ATP2A3: variants seen among roughly 807,000 people sequenced by gnomAD.
ATP2A3 encodes sarcoplasmic/endoplasmic reticulum calcium ATPase 3.
A neutral mutation model predicts 106.8 loss-of-function variants in ATP2A3; 61 were observed. The ratio of observed to expected loss-of-function variants is 0.57; its 90% CI spans 0.46 to 0.71. The LOEUF (loss-of-function observed/expected upper bound fraction) is 0.71. Among genes scored for constraint, ATP2A3 ranks in the 30% least tolerant of loss-of-function variants. ATP2A3 has a pLI of 0.00. For missense variants in ATP2A3, 1,201 were observed against 1,423.5 expected, an observed-to-expected ratio of 0.84 and a Z score of 2.52; for synonymous variants, 611 against 609.3, an observed-to-expected ratio of 1.00 and a Z score of -0.04.
At chr17:3,961,130 C>T (rs2055114119) in intron 1 of ATP2A3, among the ~76,000 whole-genome samples, 1 of 152,164 alleles carries the variant, frequency 6.6e-6, no homozygotes, top group Non-Finnish European at 1.5e-5. Flanking sequence ...GATCACAGCT[C>T]CAGATGTGTA....
At position 3,928,150 on chromosome 17, in the gene ATP2A3, C is replaced by T. The variant is rs891775239; in HGVS notation, c.2980+513G>A. 5 of 1,601,048 alleles carry T rather than the reference C, an allele frequency of 3.1e-6. No homozygotes were observed. The highest frequency in any genetic ancestry group is 1.3e-5 in the African/African-American group (1 of 74,654). Reference sequence around the variant, plus strand: ...CCCGACACCTGCCATCCTGTCCTCTCCACTCCGGGGTTAAGGCAGACCCAG... The same window carrying T: ...CCCGACACCTGCCATCCTGTCCTCTTCACTCCGGGGTTAAGGCAGACCCAG... On this transcript the variant is annotated intron_variant, in intron 20 of 20. Coordinates refer to ENST00000397041, the MANE Select transcript of ATP2A3 (RefSeq NM_005173.4). The surrounding 1 kb of genome is among the most constrained non-coding windows in gnomAD (Gnocchi z 6.1).
chr17:3,950,712 C>T lies in ATP2A3; in HGVS notation c.525G>A (p.Val175=). The change falls in exon 6 of 21, where the codon GTG becomes GTA. Residue 175 remains valine (V), a synonymous_variant. Coordinates refer to ENST00000397041, the MANE Select transcript of ATP2A3 (RefSeq NM_005173.4). ...CCTCACCCGTCAGGATGGACTGGTCCACTCGCAGCGTGGTGGACTTGATCT... is the reference window on the plus strand; with the variant it reads ...CCTCACCCGTCAGGATGGACTGGTCTACTCGCAGCGTGGTGGACTTGATCT... ...LIEIKSTTLR[V]DQSILTGESV... 6.2e-7 allele frequency: 1 copy of T among 1,614,022 alleles called. No individual in the cohort carries two copies. The highest frequency in any genetic ancestry group is 8.5e-7 in the Non-Finnish European group (1 of 1,180,018).
At chr17:3,931,645 C>T (rs2053099559) in intron 17 of ATP2A3, among the ~76,000 whole-genome samples, 1 of 151,970 alleles carries the variant, frequency 6.6e-6, no homozygotes, top group African/African-American at 2.4e-5. Context: ...CCTCAGCCTC[C>T]CAAGTAGCTG....
intron 8 of ATP2A3, 60 bp from the exon 9 acceptor site, chr17:3,945,208 C>T (rs2054045542): frequency 1.3e-6 from 2 of 1,492,434 alleles, no homozygotes; most frequent in East Asian, 2.6e-5. Flanking sequence ...CCCGGGCGGC[C>T]AGTCGACCCC....
In ATP2A3 at chr17:3,953,449, G is replaced by A. The variant is rs1597661338; in HGVS notation, c.137-20C>T. Reference sequence around the variant, plus strand: ...ACTTCCCTGGGAACGGGGGTCATGTGTGAGGCTGGGCCCCCACCACTGACC... The same window carrying A: ...ACTTCCCTGGGAACGGGGGTCATGTATGAGGCTGGGCCCCCACCACTGACC... On this transcript the variant is annotated intron_variant, in intron 2 of 20. Transcript: ENST00000397041. This position sits in a 1 kb window ranked among gnomAD's most constrained non-coding sequence, Gnocchi z 5.1. 2 of 1,612,492 alleles carry A rather than the reference G, an allele frequency of 1.2e-6. No homozygotes were observed. The highest frequency in any genetic ancestry group is 1.7e-6 in the Non-Finnish European group (2 of 1,178,824).
In ATP2A3 at chr17:3,947,981, A is replaced by G. The variant is rs111673443; in HGVS notation, c.631-126T>C. The G allele has an allele frequency of 9.5e-4, 881 of 924,994 alleles. 6 individuals are homozygous for G. In the African/African-American group the frequency reaches 0.012, roughly 13 times the overall value. The allele number at this position is 924,994 out of a possible 1,614,324, so 57.3% of individuals were successfully genotyped here. A position where few individuals can be genotyped will look rare whatever the true frequency, so the allele number is the denominator to read the frequency against. On this transcript the variant is annotated intron_variant, in intron 7 of 20. Coordinates refer to ENST00000397041, the MANE Select transcript of ATP2A3 (RefSeq NM_005173.4). This position sits in a 1 kb window ranked among gnomAD's most constrained non-coding sequence, Gnocchi z 7.7. ...CGGCTTTCCTTTTCTCCATGTTGCT[A>G]GTGCTTCCAGACTCCTGTAGCTATG...
At chr17:3,940,348 C>T (rs1390545429) in intron 14 of ATP2A3, among the ~76,000 whole-genome samples, 1 of 151,984 alleles carries the variant, frequency 6.6e-6, no homozygotes, top group East Asian at 1.9e-4. Context: ...GGAAGTATGC[C>T]GATGTCTGCA....
At chr17:3,952,252 T>C (rs1391334691) in intron 3 of ATP2A3, among the ~76,000 whole-genome samples, 1 of 152,140 alleles carries the variant, frequency 6.6e-6, no homozygotes, top group African/African-American at 2.4e-5. Context: ...GCCTGGCTAA[T>C]TTTTCGTATT....
Position 3,937,400 on chromosome 17 carries a change from GA to G in ATP2A3, c.2321+15del, listed in dbSNP as rs34866939. 0.18 allele frequency: 288,832 copies of G among 1,611,582 alleles called. 26,661 individuals are homozygous for G. Among genetic ancestry groups the G allele is most frequent in the Middle Eastern group, 0.23 (1,351 of 5,888 alleles). On this transcript the variant is annotated intron_variant, in intron 15 of 20. Coordinates refer to ENST00000397041, the MANE Select transcript of ATP2A3 (RefSeq NM_005173.4). ...GCGGATTGAGAGGGCTGAGAGGAGG[GA>G]AGGCCCGGCCTCACCAGACGACCTC...
At chr17:3,938,900 GC>G (rs1180280794) in intron 14 of ATP2A3, among the ~76,000 whole-genome samples, 1 of 152,152 alleles carries the variant, frequency 6.6e-6, no homozygotes, top group African/African-American at 2.4e-5. Context: ...GGGTGTGGTG[GC>G]CCACACTTGT....
At chr17:3,942,578 G>A in intron 12 of ATP2A3, 28 bp downstream of exon 12, 1 of 1,605,230 alleles carries the variant, frequency 6.2e-7, no homozygotes, top group Non-Finnish European at 8.5e-7. Flanking sequence ...GGCGCGCAGG[G>A]GCCCAGGCCA....
intron 1 of ATP2A3, among the ~76,000 whole-genome samples, chr17:3,954,453 ACT>A (rs1013014677): frequency 6.4e-5 from 9 of 140,634 alleles, no homozygotes; most frequent in African/African-American, 5.3e-5. Context: ...GGTGAAGAAC[ACT>A]GTTTCCAAAC....
intron 1 of ATP2A3, among the ~76,000 whole-genome samples, chr17:3,958,849 A>AATATATATAT (rs775662160): frequency 0.085 from 7,158 of 83,864 alleles, 526 homozygotes; most frequent in Middle Eastern, 0.11. Flanking sequence ...CACATATATA[A>AATATATATAT]ATATATATAT....
chr17:3,951,441 C>G (rs113227242), intron 4 of ATP2A3, 52 bp from the exon 5 acceptor site: 1 of 1,612,308 alleles, frequency 6.2e-7, no homozygotes, highest in Non-Finnish European at 8.5e-7. Context: ...CCCCGCAGAC[C>G]ACCCCCTTGG....
At chr17:3,942,784 C>A in intron 11 of ATP2A3, 53 bp from the exon 12 acceptor site, 1 of 1,603,922 alleles carries the variant, frequency 6.2e-7, no homozygotes, top group Non-Finnish European at 8.5e-7. Context: ...CAACTCTCGC[C>A]TGCCTTCCCA....
At position 3,936,721 on chromosome 17, in the gene ATP2A3, T is replaced by TACACACACACAC. The variant is rs57648128; in HGVS notation, c.2322-264_2322-253dup. ...CTCTTTAGGCCTAGCAGAGGCCAAG[T>TACACACACACAC]ACACACACACACACACACACACACA... On this transcript the variant is annotated intron_variant, in intron 15 of 20. Transcript: ENST00000397041. The surrounding 1 kb of genome is among the most constrained non-coding windows in gnomAD (Gnocchi z 5.4). 6 of 408,356 alleles carry TACACACACACAC rather than the reference T, an allele frequency of 1.5e-5. No individual in the cohort carries two copies. Among genetic ancestry groups the TACACACACACAC allele is most frequent in the African/African-American group, 1.1e-4 (5 of 47,298 alleles). The allele number at this position is 408,356 out of a possible 1,614,324, so 25.3% of individuals were successfully genotyped here. A position where few individuals can be genotyped will look rare whatever the true frequency, so the allele number is the denominator to read the frequency against.
Position 3,951,276 on chromosome 17 carries a change from GACGATGTCCCGGGC to G in ATP2A3, c.424_437del (p.Ala142ProfsTer16). 1 of 1,613,612 alleles carries G rather than the reference GACGATGTCCCGGGC, an allele frequency of 6.2e-7. No individual in the cohort carries two copies. The highest frequency in any genetic ancestry group is 8.5e-7 in the Non-Finnish European group (1 of 1,179,928). On this transcript the variant is annotated frameshift_variant, in exon 5 of 21. Coordinates refer to ENST00000397041, the MANE Select transcript of ATP2A3 (RefSeq NM_005173.4). LOFTEE classifies it high-confidence loss of function. Reference sequence around the variant, plus strand: ...CTGCCACTTCTACAATGTCCCCTGGGACGATGTCCCGGGCACGGATCCTCTGCACGCCCTTGCGG... The same window carrying G: ...CTGCCACTTCTACAATGTCCCCTGGGACGGATCCTCTGCACGCCCTTGCGG...
Position 3,926,935 on chromosome 17 carries a change from C to T in ATP2A3, c.2981-1494G>A, listed in dbSNP as rs2052741761. ...CAGTCCGCACCGTGCTTACACTCCT[C>T]CCGTGCTTCCCCACTGCCCTGAGGA... is the stretch of plus-strand genomic sequence containing the variant. On this transcript the variant is annotated intron_variant, in intron 20 of 20. Transcript: ENST00000397041. This position sits in a 1 kb window ranked among gnomAD's most constrained non-coding sequence, Gnocchi z 4.6. 8.1e-6 allele frequency: 8 copies of T among 985,368 alleles called. No individual in the cohort carries two copies. In the South Asian group the frequency reaches 3.3e-4, roughly 40 times the overall value. 61.0% of individuals were successfully genotyped at this position (985,368 alleles called of 1,614,324 possible).
At chr17:3,933,832 C>G (rs2053263791) in intron 17 of ATP2A3, among the ~76,000 whole-genome samples, 1 of 151,652 alleles carries the variant, frequency 6.6e-6, no homozygotes, top group Non-Finnish European at 1.5e-5. Context: ...ACTGGTGAGG[C>G]CACTGCTGTG....
Sources: gnomAD v4.1 joint callset for allele counts (sites outside exome capture counted in the v4.1 genomes callset) on GRCh38, gnomAD v4.1.1 for gene constraint, Gnocchi (gnomAD v3.1) non-coding constraint, MANE v1.5 for transcripts, NCBI Gene and HGNC (gene_info 2026-07-23, HGNC 2026-07-21) for gene names.